GATAD2A: variants seen among roughly 807,000 people sequenced by gnomAD.
GATAD2A encodes transcriptional repressor p66-alpha.
In GATAD2A, 12 loss-of-function variants were observed where a neutral mutation model predicts 68.5. That is an observed-to-expected ratio of 0.18 (90% CI 0.11 to 0.28). The LOEUF (loss-of-function observed/expected upper bound fraction) is 0.28, where lower values mean the gene tolerates loss of function less well. GATAD2A is among the 10% of genes least tolerant of loss of function. GATAD2A has a pLI of 1.00. For missense variants in GATAD2A, 755 were observed against 868.5 expected, an observed-to-expected ratio of 0.87 and a Z score of 1.64; for synonymous variants, 410 against 375.3, an observed-to-expected ratio of 1.09 and a Z score of -1.07.
intron 2 of GATAD2A, among the ~76,000 whole-genome samples, chr19:19,489,466 T>C (rs1399674755): frequency 1.3e-5 from 2 of 152,244 alleles, no homozygotes; most frequent in African/African-American, 4.8e-5. Context: ...GGTGGCCTGA[T>C]TAGCATACAG....
intron 1 of GATAD2A, chr19:19,465,081 A>G: frequency 1.8e-6 from 1 of 558,500 alleles, no homozygotes; most frequent in East Asian, 3.0e-5. Flanking sequence ...CTGGCCCCCA[A>G]CAGGGCAGGG....
chr19:19,448,515 G>C (rs1234286077), intron 1 of GATAD2A, among the ~76,000 whole-genome samples: 1 of 152,214 alleles, frequency 6.6e-6, no homozygotes, highest in Non-Finnish European at 1.5e-5. Flanking sequence ...TTGAGACGGA[G>C]TCTCTCTCTG....
chr19:19,438,716 A>G (rs1188796457), intron 1 of GATAD2A, among the ~76,000 whole-genome samples: 1 of 152,196 alleles, frequency 6.6e-6, no homozygotes, highest in Non-Finnish European at 1.5e-5. Flanking sequence ...TCAGAAGGGA[A>G]TTTCCAGAGG....
chr19:19,396,603 C>G (rs986817511), intron 1 of GATAD2A, among the ~76,000 whole-genome samples: 1 of 152,230 alleles, frequency 6.6e-6, no homozygotes, highest in African/African-American at 2.4e-5. Context: ...GAAAAAGGCT[C>G]AAACCTTGAG....
chr19:19,399,567 C>T lies in GATAD2A; in HGVS notation c.-7+13429C>T, dbSNP rs142010705. The stretch of plus-strand genomic sequence containing the variant: ...CTCAAATTGTCTCTATTGAAGGTTA[C>T]CTTTTTGACCTAAATTTGAAATAAA... On this transcript the variant is annotated intron_variant, in intron 1 of 11. Transcript: ENST00000360315. Among the ~76,000 whole-genome samples, 1,182 of 152,216 alleles carry T rather than the reference C, an allele frequency of 7.8e-3. 59 individuals carry two copies. Among genetic ancestry groups the T allele is most frequent in the Admixed American group, 0.07 (1,066 of 15,286 alleles).
chr19:19,408,175 C>T (rs572670129), intron 1 of GATAD2A, among the ~76,000 whole-genome samples: 5 of 152,182 alleles, frequency 3.3e-5, no homozygotes, highest in Non-Finnish European at 5.9e-5. Context: ...TTAGTAGAGA[C>T]GGGGTTTCAC....
chr19:19,421,269 A>G (rs1036040796), intron 1 of GATAD2A, among the ~76,000 whole-genome samples: 15 of 152,168 alleles, frequency 9.9e-5, no homozygotes, highest in Non-Finnish European at 2.9e-5. Context: ...AGGTGAGGGC[A>G]GTAGGCCTCC....
intron 11 of GATAD2A, among the ~76,000 whole-genome samples, chr19:19,504,380 A>AAT (rs2060743572): frequency 6.6e-6 from 1 of 152,224 alleles, no homozygotes; most frequent in Admixed American, 6.5e-5. Flanking sequence ...CAGGTGAACA[A>AAT]ATATTACATT....
At chr19:19,480,359 G>A (rs1375075123) in intron 2 of GATAD2A, among the ~76,000 whole-genome samples, 11 of 152,174 alleles carry the variant, frequency 7.2e-5, no homozygotes, top group East Asian at 3.8e-4. Context: ...CCACCTATCC[G>A]TTGGGAAGTT....
intron 1 of GATAD2A, among the ~76,000 whole-genome samples, chr19:19,461,032 A>G (rs1415545762): frequency 6.6e-6 from 1 of 152,026 alleles, no homozygotes; most frequent in African/African-American, 2.4e-5. Context: ...CTCGTTTTCC[A>G]GCATGGGGGT....
chr19:19,396,770 G>A (rs1234510306), intron 1 of GATAD2A, among the ~76,000 whole-genome samples: 1 of 151,988 alleles, frequency 6.6e-6, no homozygotes, highest in Non-Finnish European at 1.5e-5. Context: ...GTGCAATGGT[G>A]CAGTCTCAGC....
intron 2 of GATAD2A, among the ~76,000 whole-genome samples, chr19:19,473,791 A>AT (rs1439149251): frequency 6.6e-6 from 1 of 151,658 alleles, no homozygotes; most frequent in Non-Finnish European, 1.5e-5. Context: ...AAAAAAAAAA[A>AT]AAAAATTAGC....
chr19:19,488,404 A>AGG (rs946832426), intron 2 of GATAD2A, among the ~76,000 whole-genome samples: 8 of 152,226 alleles, frequency 5.3e-5, no homozygotes, highest in Non-Finnish European at 1.0e-4. Context: ...AATGAGGGAG[A>AGG]GGGGTATGTC....
chr19:19,420,830 G>A (rs987257481), intron 1 of GATAD2A, among the ~76,000 whole-genome samples: 4 of 152,280 alleles, frequency 2.6e-5, no homozygotes, highest in Admixed American at 6.5e-5. Flanking sequence ...ACAGTACCTC[G>A]TTCTGTGGTT....
chr19:19,495,882 T>C lies in GATAD2A; in HGVS notation c.753T>C (p.Ala251=), dbSNP rs1419868520. ...QVVMPPLVRG[A]QQIHSIRQHS... ...TCATGCCCCCACTCGTCAGGGGGGC[T>C]CAGGTAAGCAGGGCTGTGCACATGG... The change falls in exon 6 of 12, where the codon GCT becomes GCC. Residue 251 remains alanine, a synonymous_variant. Transcript: ENST00000683918. 6.2e-7 allele frequency: 1 copy of C among 1,612,100 alleles called. No individual in the cohort carries two copies. Among genetic ancestry groups the C allele is most frequent in the Non-Finnish European group, 8.5e-7 (1 of 1,179,054 alleles).
At chr19:19,450,710 G>T (rs2056282317) in intron 1 of GATAD2A, among the ~76,000 whole-genome samples, 1 of 149,222 alleles carries the variant, frequency 6.7e-6, no homozygotes, top group Non-Finnish European at 1.5e-5. Flanking sequence ...TCTGTACTGG[G>T]ATGCTTTCTT....
At chr19:19,476,176 G>GGCCA in intron 2 of GATAD2A, among the ~76,000 whole-genome samples, 1 of 152,278 alleles carries the variant, frequency 6.6e-6, no homozygotes, top group Non-Finnish European at 1.5e-5. Context: ...GAAAACCAGA[G>GGCCA]GCCACACTTT....
At chr19:19,425,903 T>C (rs986934279) in intron 1 of GATAD2A, among the ~76,000 whole-genome samples, 3 of 151,964 alleles carry the variant, frequency 2.0e-5, no homozygotes, top group South Asian at 2.1e-4. Context: ...CATCTTCCCA[T>C]GTCAGCCTCT....
upstream of GATAD2A, among the ~76,000 whole-genome samples, chr19:19,404,662 G>A (rs978691366): frequency 6.7e-6 from 1 of 150,104 alleles, no homozygotes; most frequent in African/African-American, 2.5e-5. Flanking sequence ...CCAGCCTGGC[G>A]ACAGAGCAAG....
Sources: allele counts gnomAD v4.1 joint callset (sites outside exome capture counted in the v4.1 genomes callset), GRCh38; gene constraint gnomAD v4.1.1; transcripts MANE v1.5; gene names NCBI Gene and HGNC (gene_info 2026-07-23, HGNC 2026-07-21).